CRACD: variants seen among roughly 807,000 people sequenced by gnomAD.
CRACD encodes capping protein inhibiting regulator of actin dynamics, also known as capping protein-inhibiting regulator of actin dynamics.
A neutral mutation model predicts 106.8 loss-of-function variants in CRACD; 56 were observed. The ratio of observed to expected loss-of-function variants is 0.52; its 90% CI spans 0.42 to 0.66. The LOEUF (loss-of-function observed/expected upper bound fraction) is 0.66. Among genes scored for constraint, CRACD ranks in the 30% least tolerant of loss-of-function variants. The probability of loss-of-function intolerance (pLI) is 0.00; values close to 1 mark genes in which losing one functional copy is unlikely to be tolerated. For missense variants in CRACD, 1,730 were observed against 1,623.2 expected (o/e 1.07, Z -1.13); for synonymous variants, 754 against 670.8 (o/e 1.12, Z -1.92).
At chr4:56,080,064 C>T (rs983154625) in intron 1 of CRACD, among the ~76,000 whole-genome samples, 1 of 152,128 alleles carries the variant, frequency 6.6e-6, no homozygotes, top group Non-Finnish European at 1.5e-5. Context: ...ATGGCGGTGG[C>T]ATGTGTCATT....
chr4:56,299,353 T>C (rs1744232101), intron 4 of CRACD, among the ~76,000 whole-genome samples: 1 of 152,102 alleles, frequency 6.6e-6, no homozygotes, highest in African/African-American at 2.4e-5. Context: ...CTATGAGGTC[T>C]GCCTAGCTGC....
chr4:56,141,426 G>T (rs1735192794), intron 1 of CRACD, among the ~76,000 whole-genome samples: 1 of 152,022 alleles, frequency 6.6e-6, no homozygotes, highest in African/African-American at 2.4e-5. Flanking sequence ...TTGAAATAAA[G>T]GTTCCTTAAA....
intron 2 of CRACD, among the ~76,000 whole-genome samples, chr4:56,186,245 T>C (rs1006119935): frequency 1.3e-5 from 2 of 152,302 alleles, no homozygotes; most frequent in East Asian, 3.9e-4. Flanking sequence ...AACTTAAGAA[T>C]TAGGTTGGTG....
chr4:56,290,965 G>T lies in CRACD; in HGVS notation c.-16-7249G>T, dbSNP rs6854844. ...TCTTTGTAGAGTTGGCTTTTACCAT[G>T]CGTGCTTTGCATTTGACTTCAAATC... On this transcript the variant is annotated intron_variant, in intron 3 of 10. Transcript: ENST00000682029. Among the ~76,000 whole-genome samples, 1,418 of 152,288 alleles carry T rather than the reference G, an allele frequency of 9.3e-3. 11 individuals are homozygous for T. The highest frequency in any genetic ancestry group is 0.013 in the African/African-American group (531 of 41,572).
At chr4:56,073,649 A>C (rs1404783809) in intron 1 of CRACD, among the ~76,000 whole-genome samples, 1 of 152,090 alleles carries the variant, frequency 6.6e-6, no homozygotes, top group African/African-American at 2.4e-5. Flanking sequence ...CCCATTCTGT[A>C]GGTTGCTTGT....
At chr4:56,213,223 G>A (rs1456334507) in intron 2 of CRACD, among the ~76,000 whole-genome samples, 2 of 152,142 alleles carry the variant, frequency 1.3e-5, no homozygotes, top group Admixed American at 1.3e-4. Flanking sequence ...GAGGCAGGTG[G>A]ATCACCTGAG....
intron 2 of CRACD, among the ~76,000 whole-genome samples, chr4:56,228,896 T>C (rs772463096): frequency 7.2e-5 from 11 of 152,196 alleles, no homozygotes; most frequent in Non-Finnish European, 1.6e-4. Flanking sequence ...ATTTATTAAC[T>C]AGGAGACCTT....
At chr4:56,167,310 A>G (rs1736192584) in intron 1 of CRACD, among the ~76,000 whole-genome samples, 1 of 152,242 alleles carries the variant, frequency 6.6e-6, no homozygotes, top group Non-Finnish European at 1.5e-5. Context: ...GAGAAAACAG[A>G]AATGTGTAGG....
intron 1 of CRACD, among the ~76,000 whole-genome samples, chr4:56,103,153 A>G (rs1470170988): frequency 1.3e-5 from 2 of 152,236 alleles, no homozygotes; most frequent in East Asian, 3.8e-4. Context: ...CAGAGTTTTT[A>G]AAAAGCCCAT....
At chr4:56,150,480 C>G (rs1236907491) in intron 1 of CRACD, among the ~76,000 whole-genome samples, 1 of 152,166 alleles carries the variant, frequency 6.6e-6, no homozygotes, top group Admixed American at 6.5e-5. Context: ...AGCCACTACT[C>G]TAGTGGCAAG....
chr4:56,076,246 G>A (rs1402894732), intron 1 of CRACD, among the ~76,000 whole-genome samples: 3 of 152,136 alleles, frequency 2.0e-5, no homozygotes, highest in Non-Finnish European at 4.4e-5. Flanking sequence ...AACCCTGCCG[G>A]CACCTTGATC....
At chr4:56,059,693 TTC>T (rs1419156184) in intron 1 of CRACD, among the ~76,000 whole-genome samples, 1 of 152,188 alleles carries the variant, frequency 6.6e-6, no homozygotes, top group African/African-American at 2.4e-5. Context: ...CTTTGTTTTT[TTC>T]TTTTTTGAGA....
chr4:56,264,899 T>C (rs541604351), intron 2 of CRACD, among the ~76,000 whole-genome samples: 5 of 152,298 alleles, frequency 3.3e-5, no homozygotes, highest in African/African-American at 1.2e-4. Context: ...GTCCCTGACT[T>C]CCCGCAACAA....
Position 56,316,084 on chromosome 4 carries a change from A to G in CRACD, c.2582A>G (p.Asp861Gly). ...RTNYSLRFNCDQQAEQKKKKR... is the reference protein window; with the variant it reads ...RTNYSLRFNCGQQAEQKKKKR... ...AACTATTCCTTGCGCTTCAACTGCG[A>G]CCAACAGGCAGAACAGAAGAAGAAG... Residue 861 changes from aspartate (D) to glycine (G), a missense_variant, in exon 8 of 11, where the codon GAC (aspartate) becomes GGC (glycine). Asp to Gly is a moderately conservative substitution (Grantham distance 94). Around this residue, in one of 5 missense-constraint regions of CRACD, gnomAD observed 1,620 missense variants for 1,481.6 expected, o/e 1.09. Transcript: ENST00000682029. 6.2e-7 allele frequency: 1 copy of G among 1,614,186 alleles called. No individual in the cohort carries two copies. Among genetic ancestry groups the G allele is most frequent in the Non-Finnish European group, 8.5e-7 (1 of 1,180,046 alleles).
chr4:56,224,238 G>A (rs759964041), intron 2 of CRACD, among the ~76,000 whole-genome samples: 3 of 151,894 alleles, frequency 2.0e-5, no homozygotes, highest in Non-Finnish European at 4.4e-5. Flanking sequence ...GCCACACTAT[G>A]CTTTTCCATT....
At chr4:56,078,579 T>A (rs573383221) in intron 1 of CRACD, among the ~76,000 whole-genome samples, 21 of 152,242 alleles carry the variant, frequency 1.4e-4, no homozygotes, top group African/African-American at 4.3e-4. Context: ...ACTGATTTTT[T>A]TAAATTCTTT....
chr4:56,225,294 A>G (rs1165269495), intron 2 of CRACD, among the ~76,000 whole-genome samples: 14 of 152,114 alleles, frequency 9.2e-5, no homozygotes, highest in African/African-American at 3.1e-4. Context: ...GGGTTTCACC[A>G]TGTTGGCCAG....
At chr4:56,128,098 C>G (rs1734716299) in intron 1 of CRACD, among the ~76,000 whole-genome samples, 1 of 151,906 alleles carries the variant, frequency 6.6e-6, no homozygotes, top group Non-Finnish European at 1.5e-5. Context: ...ATGTCCCCAT[C>G]ATATCAATAT....
chr4:56,083,663 A>G lies in CRACD; in HGVS notation c.-336+34364A>G, dbSNP rs181049034. ...TAGACTAATTGTTAATTTTCTTAAA[A>G]TTGGTTATTGGTTAAAAATATGTTT... On this transcript the variant is annotated intron_variant, in intron 1 of 10. Coordinates refer to ENST00000682029, the MANE Select transcript of CRACD (RefSeq NM_001393381.1). 1.6e-4 allele frequency among the ~76,000 whole-genome samples: 25 copies of G among 152,248 alleles called. No homozygotes were observed. In the East Asian group the frequency reaches 3.9e-3, roughly 24 times the overall value.
Sources: allele counts gnomAD v4.1 joint callset (sites outside exome capture counted in the v4.1 genomes callset), GRCh38; gene constraint gnomAD v4.1.1; regional missense constraint gnomAD v4.1.1; transcripts MANE v1.5; gene names NCBI Gene and HGNC (gene_info 2026-07-23, HGNC 2026-07-21).